Variants in FHL1 observed in about 807,000 individuals in gnomAD.
The protein encoded by FHL1 is four and a half LIM domains protein 1.
In FHL1, 1 loss-of-function variant was observed where a neutral mutation model predicts 20.3. That is an observed-to-expected ratio of 0.05 (90% CI 0.02 to 0.23). The LOEUF is 0.23. FHL1 is among the 10% of genes least tolerant of loss of function. FHL1 has a pLI of 1.00. For synonymous variants in FHL1, 82 were observed against 88.9 expected (o/e 0.92, Z 0.44); for missense variants, 177 against 234.0 (o/e 0.76, Z 1.59).
intron 2 of FHL1, 51 bp downstream of exon 2, chrX:136,206,639 C>A: frequency 2.5e-6 from 3 of 1,189,691 alleles, no homozygotes; most frequent in Non-Finnish European, 3.4e-6. Flanking sequence ...TTGGAGTGTC[C>A]TTTGCCCACA....
intron 2 of FHL1, among the ~76,000 whole-genome samples, chrX:136,186,879 T>TATAGATAG (rs10611748): frequency 1.5e-5 from 1 of 67,414 alleles, no homozygotes; most frequent in African/African-American, 5.7e-5. Flanking sequence ...TATATATATA[T>TATAGATAG]ATAGATAGAT....
intron 1 of FHL1, among the ~76,000 whole-genome samples, chrX:136,163,879 T>C (rs780483188): frequency 3.6e-5 from 4 of 112,235 alleles, no homozygotes; most frequent in Non-Finnish European, 7.5e-5. Flanking sequence ...TGTTTTTCTT[T>C]TAAGGAAAGA....
At chrX:136,147,642 C>T (rs1338582188) in intron 1 of FHL1, 2 of 107,865 alleles carry the variant, frequency 1.9e-5, no homozygotes, top group South Asian at 3.6e-4. Context: ...AGCCCGCTTT[C>T]TTTCCGCTTG....
At chrX:136,182,797 A>C (rs756700100) in intron 2 of FHL1, 1 of 112,434 alleles carries the variant, frequency 8.9e-6, no homozygotes, top group East Asian at 2.8e-4. Flanking sequence ...ATGAAAATTT[A>C]ATGTATAAGA....
At chrX:136,156,085 A>G (rs2072408748) in intron 1 of FHL1, among the ~76,000 whole-genome samples, 1 of 109,977 alleles carries the variant, frequency 9.1e-6, no homozygotes, top group East Asian at 2.9e-4. Flanking sequence ...TTTGTGCCTC[A>G]TTTTTGAACT....
At chrX:136,152,835 C>T (rs2072306377) in intron 1 of FHL1, among the ~76,000 whole-genome samples, 1 of 110,469 alleles carries the variant, frequency 9.1e-6, no homozygotes, top group South Asian at 3.8e-4. Context: ...TGATAAGAAT[C>T]GAATTCTACC....
upstream of FHL1, among the ~76,000 whole-genome samples, chrX:136,166,134 A>C (rs2072702475): frequency 8.9e-6 from 1 of 112,086 alleles, no homozygotes; most frequent in Admixed American, 9.5e-5. Context: ...TGAAAAGTAC[A>C]CACAAATATA....
intron 2 of FHL1, among the ~76,000 whole-genome samples, chrX:136,179,593 A>T (rs1056308827): frequency 1.8e-5 from 2 of 112,193 alleles, no homozygotes; most frequent in African/African-American, 6.5e-5. Context: ...TGTCCTTTGT[A>T]TCATTTATTA....
At chrX:136,181,347 A>G (rs749125251) in intron 2 of FHL1, among the ~76,000 whole-genome samples, 1 of 111,970 alleles carries the variant, frequency 8.9e-6, no homozygotes, top group Non-Finnish European at 1.9e-5. Context: ...TGAAACGACC[A>G]TAAAAGGAGA....
intron 1 of FHL1, among the ~76,000 whole-genome samples, chrX:136,158,220 C>T (rs963359497): frequency 5.4e-5 from 6 of 111,799 alleles, no homozygotes; most frequent in Non-Finnish European, 7.5e-5. Flanking sequence ...ACTGTCTTTA[C>T]ACACTTAGGT....
At chrX:136,195,435 G>A (rs2073532688), upstream of FHL1, among the ~76,000 whole-genome samples, 1 of 112,527 alleles carries the variant, frequency 8.9e-6, no homozygotes, top group African/African-American at 3.2e-5. Flanking sequence ...GGGGTGTGGT[G>A]TTGTTACAAC....
chrX:136,160,865 C>A (rs2072547038), intron 1 of FHL1, among the ~76,000 whole-genome samples: 1 of 110,902 alleles, frequency 9.0e-6, no homozygotes, highest in Non-Finnish European at 1.9e-5. Flanking sequence ...ATAACCTCTC[C>A]CTCAAGTCCC....
chrX:136,147,008 C>A (rs2072111773), upstream of FHL1: 1 of 302,944 alleles, frequency 3.3e-6, no homozygotes, highest in Admixed American at 3.5e-5. Context: ...TCAGGGAGTG[C>A]GCAGGTTAGC....
intron 4 of FHL1, 22 bp from the exon 5 acceptor site, chrX:136,208,433 G>T: frequency 8.3e-7 from 1 of 1,209,730 alleles, no homozygotes. Flanking sequence ...ATCTGAATCC[G>T]GTGCTACACT....
chrX:136,166,221 T>C (rs141701564), upstream of FHL1, among the ~76,000 whole-genome samples: 19 of 111,839 alleles, frequency 1.7e-4, no homozygotes, highest in Non-Finnish European at 3.6e-4. Context: ...TAAAGTGAAA[T>C]GGAGATACAA....
intron 1 of FHL1, among the ~76,000 whole-genome samples, chrX:136,201,641 T>C (rs183961091): frequency 2.7e-5 from 3 of 110,829 alleles, no homozygotes; most frequent in Admixed American, 9.6e-5. Context: ...TAGCGAGAGA[T>C]AGTTTAACAA....
Position 136,210,205 on chromosome X carries a change from A to G in FHL1, c.*180A>G. 1.4e-6 allele frequency: 1 copy of G among 705,933 alleles called. No individual in the cohort carries two copies. Among genetic ancestry groups the G allele is most frequent in the Non-Finnish European group, 2.2e-6 (1 of 458,490 alleles). 58.2% of individuals were successfully genotyped at this position (705,933 alleles called of 1,213,427 possible). On this transcript the variant is annotated 3_prime_UTR_variant, in exon 6 of 6. Coordinates refer to ENST00000370683, the MANE Select transcript of FHL1 (RefSeq NM_001159699.2). ...AAGGGCACACAGTGATCATATTAGC[A>G]TTTAGCAAAAAGCAACCCTGCAGCA...
chrX:136,185,919 C>T (rs757166207), intron 2 of FHL1, among the ~76,000 whole-genome samples: 2 of 111,977 alleles, frequency 1.8e-5, no homozygotes, highest in African/African-American at 3.2e-5. Context: ...CCAGTCTAAT[C>T]GTCCAGAAGG....
intron 2 of FHL1, among the ~76,000 whole-genome samples, chrX:136,171,381 G>C (rs770446039): frequency 8.9e-6 from 1 of 111,829 alleles, no homozygotes; most frequent in African/African-American, 3.2e-5. Flanking sequence ...CTCCTCTAAG[G>C]GTGAACCCTA....
Sources: allele counts gnomAD v4.1 joint callset (sites outside exome capture counted in the v4.1 genomes callset), GRCh38; gene constraint gnomAD v4.1.1; transcripts MANE v1.5; gene names NCBI Gene and HGNC (gene_info 2026-07-23, HGNC 2026-07-21).